Variants in VLDLR observed in about 807,000 individuals in gnomAD.
VLDLR encodes very low-density lipoprotein receptor.
VLDLR carries 81 observed loss-of-function variants against 112.7 expected under a neutral mutation model. The observed-to-expected ratio is 0.72, with a 90% CI of 0.60 to 0.86. The LOEUF (loss-of-function observed/expected upper bound fraction) is 0.86, where lower values mean the gene tolerates loss of function less well. VLDLR is among the 40% of genes least tolerant of loss of function. The probability of loss-of-function intolerance (pLI) is 0.00; values close to 1 mark genes in which losing one functional copy is unlikely to be tolerated. For missense variants in VLDLR, 1,237 were observed against 1,099.4 expected (o/e 1.13, Z -1.77); for synonymous variants, 436 against 384.8 (o/e 1.13, Z -1.56).
intron 17 of VLDLR, 85 bp downstream of exon 17, chr9:2,652,039 C>T: frequency 7.9e-7 from 1 of 1,259,684 alleles, no homozygotes; most frequent in Non-Finnish European, 1.1e-6. Flanking sequence ...CTACCCCTTT[C>T]ATGGGCCTTT....
intron 2 of VLDLR, among the ~76,000 whole-genome samples, chr9:2,637,432 A>G (rs1817638931): frequency 6.6e-6 from 1 of 152,190 alleles, no homozygotes; most frequent in Non-Finnish European, 1.5e-5. Flanking sequence ...TAAGTACTCT[A>G]AATATGTAAC....
chr9:2,637,949 AT>A (rs140048857), intron 2 of VLDLR, among the ~76,000 whole-genome samples: 3,754 of 152,166 alleles, frequency 0.025, 163 homozygotes, highest in African/African-American at 0.085. Flanking sequence ...TCTCAAAAAA[AT>A]AAATAAAAAT....
At position 2,644,816 on chromosome 9, in the gene VLDLR, AG is replaced by A; in HGVS notation, c.1150del (p.Ala384LeufsTer5). The A allele has an allele frequency of 6.2e-7, 1 of 1,614,224 alleles. No homozygotes were observed. The highest frequency in any genetic ancestry group is 8.5e-7 in the Non-Finnish European group (1 of 1,180,028). On this transcript the variant is annotated frameshift_variant, in exon 8 of 19. Transcript: ENST00000382100. LOFTEE classifies it high-confidence loss of function. The stretch of plus-strand genomic sequence containing the variant: ...TTATAGGCTACGAGTGTGACTGTGC[AG>A]CTGGGTTTGAACTGATAGATAGGAA... The part of the protein sequence containing the change: ...LVIGYECDCA[A>X]GFELIDRKTC...
At position 2,653,916 on chromosome 9, in the gene VLDLR, C is replaced by T. The variant is rs368949453; in HGVS notation, c.*48C>T. The T allele has an allele frequency of 6.2e-4, 986 of 1,602,836 alleles. 9 individuals carry two copies. Among genetic ancestry groups the T allele is most frequent in the South Asian group, 3.5e-3 (317 of 90,822 alleles). On this transcript the variant is annotated 3_prime_UTR_variant, in exon 19 of 19. Coordinates refer to ENST00000382100, the MANE Select transcript of VLDLR (RefSeq NM_003383.5). Reference sequence around the variant, plus strand: ...TTGAGGTCTAAACAAATAATACCCCCGTCGGAATGGTAACCGAGCCAGCAG... The same window carrying T: ...TTGAGGTCTAAACAAATAATACCCCTGTCGGAATGGTAACCGAGCCAGCAG...
intron 1 of VLDLR, among the ~76,000 whole-genome samples, chr9:2,625,476 G>T (rs1267233920): frequency 6.6e-6 from 1 of 152,170 alleles, no homozygotes; most frequent in Non-Finnish European, 1.5e-5. Flanking sequence ...TTGCCTACGT[G>T]ACTTAAAGTA....
At chr9:2,650,321 T>A (rs959709634) in intron 14 of VLDLR, 49 bp from the exon 15 acceptor site, 1 of 1,611,526 alleles carries the variant, frequency 6.2e-7, no homozygotes, top group African/African-American at 1.3e-5. Flanking sequence ...GCTTTATATA[T>A]ACTAGGCACC....
intron 18 of VLDLR, among the ~76,000 whole-genome samples, chr9:2,653,623 CTATCT>C (rs1480989589): frequency 6.6e-6 from 1 of 152,194 alleles, no homozygotes; most frequent in African/African-American, 2.4e-5. Flanking sequence ...ATTAGTCACA[CTATCT>C]TATCTCACTA....
chr9:2,646,099 C>A (rs1818056285), intron 10 of VLDLR, among the ~76,000 whole-genome samples: 1 of 151,858 alleles, frequency 6.6e-6, no homozygotes, highest in South Asian at 2.1e-4. Flanking sequence ...CAAATAGCTT[C>A]ACTTAGAAAT....
At chr9:2,644,575 C>A (rs1457051028) in intron 7 of VLDLR, among the ~76,000 whole-genome samples, 159 bp from the exon 8 acceptor site, 1 of 151,918 alleles carries the variant, frequency 6.6e-6, no homozygotes, top group East Asian at 1.9e-4. Flanking sequence ...AGATAATCCA[C>A]CCTGAAATAT....
intron 1 of VLDLR, among the ~76,000 whole-genome samples, chr9:2,631,515 A>T (rs1817348809): frequency 1.3e-5 from 2 of 152,170 alleles, no homozygotes; most frequent in Non-Finnish European, 2.9e-5. Flanking sequence ...TTGCAGCAGC[A>T]TGGGGATGGA....
intron 12 of VLDLR, 87 bp downstream of exon 12, chr9:2,647,679 A>G: frequency 8.5e-7 from 1 of 1,175,568 alleles, no homozygotes; most frequent in Admixed American, 1.7e-5. Flanking sequence ...GGACTAGCAG[A>G]TGACTCTACT....
At chr9:2,641,646 A>G in intron 4 of VLDLR, 147 bp downstream of exon 4, 12 of 1,228,010 alleles carry the variant, frequency 9.8e-6, no homozygotes, top group Non-Finnish European at 1.4e-5. Flanking sequence ...CTTGTCCTTC[A>G]TAACTGCCCT....
chr9:2,650,796 A>G (rs562248003), intron 15 of VLDLR, among the ~76,000 whole-genome samples: 19 of 152,316 alleles, frequency 1.2e-4, no homozygotes, highest in African/African-American at 4.3e-4. Flanking sequence ...GCAGGTAATT[A>G]AATGAGGCCT....
intron 1 of VLDLR, among the ~76,000 whole-genome samples, chr9:2,632,288 A>C (rs1817383247): frequency 6.6e-6 from 1 of 152,110 alleles, no homozygotes; most frequent in South Asian, 2.1e-4. Context: ...CTCCACTTCA[A>C]CCACCCCTCT....
At chr9:2,632,447 T>C (rs12336931) in intron 1 of VLDLR, among the ~76,000 whole-genome samples, 18,794 of 152,224 alleles carry the variant, frequency 0.12, 3,113 homozygotes, top group African/African-American at 0.38. Context: ...TAGTTTAGCC[T>C]GAAGAATTAA....
At chr9:2,627,377 C>G (rs1817141734) in intron 1 of VLDLR, among the ~76,000 whole-genome samples, 1 of 152,080 alleles carries the variant, frequency 6.6e-6, no homozygotes, top group Non-Finnish European at 1.5e-5. Context: ...CCAGTATTAC[C>G]AAAGAGCATT....
At chr9:2,631,661 AG>A (rs377574805) in intron 1 of VLDLR, among the ~76,000 whole-genome samples, 7 of 150,512 alleles carry the variant, frequency 4.7e-5, no homozygotes, top group African/African-American at 1.5e-4. Context: ...ACTCAGAAGT[AG>A]GGGGAAAGGG....
At chr9:2,633,045 AGAGAGAGTGTGTGTGTGT>A (rs1259148208) in intron 1 of VLDLR, among the ~76,000 whole-genome samples, 1 of 113,698 alleles carries the variant, frequency 8.8e-6, no homozygotes, top group Non-Finnish European at 1.7e-5. Context: ...AGAGAGAGAG[AGAGAGAGTGTGTGTGTGT>A]GTGTGTGTGT....
intron 1 of VLDLR, among the ~76,000 whole-genome samples, chr9:2,631,570 A>T (rs1005945612): frequency 1.3e-5 from 2 of 152,198 alleles, no homozygotes; most frequent in Non-Finnish European, 2.9e-5. Context: ...GCACAGCAGG[A>T]CAAATATCTT....
Sources: gnomAD v4.1 joint callset for allele counts (sites outside exome capture counted in the v4.1 genomes callset) on GRCh38, gnomAD v4.1.1 for gene constraint, MANE v1.5 for transcripts, NCBI Gene and HGNC (gene_info 2026-07-23, HGNC 2026-07-21) for gene names.